EFCAB8: variants seen among roughly 807,000 people sequenced by gnomAD.
The protein encoded by EFCAB8 is EF-hand calcium binding domain 8.
Under a neutral mutation model 116.3 loss-of-function variants are expected in EFCAB8, and 100 were observed. The ratio of observed to expected loss-of-function variants is 0.86; its 90% CI spans 0.73 to 1.02. The LOEUF (loss-of-function observed/expected upper bound fraction) is 1.02. Among genes scored for constraint, EFCAB8 ranks in the 50% least tolerant of loss-of-function variants. The pLI is 0.00. For synonymous variants in EFCAB8, 558 were observed against 567.9 expected (o/e 0.98, Z 0.25); for missense variants, 1,320 against 1,416.9 (o/e 0.93, Z 1.10).
Position 32,960,046 on chromosome 20 carries a change from G to A in EFCAB8, c.3295-17G>A. On this transcript the variant is annotated splice_polypyrimidine_tract_variant and intron_variant, in intron 25 of 26. Coordinates refer to ENST00000400522, the MANE Select transcript of EFCAB8 (RefSeq NM_001143967.2). ...CCCCCAACTCGCAGCCTTCATTCTT[G>A]GGCGTGGCTCCTGCAGGTGAGCAAA... 1 of 1,551,658 alleles carries A rather than the reference G, an allele frequency of 6.4e-7. No individual in the cohort carries two copies. Among genetic ancestry groups the A allele is most frequent in the Non-Finnish European group, 8.7e-7 (1 of 1,146,978 alleles).
Position 32,898,221 on chromosome 20 carries a change from C to T in EFCAB8, c.958-272C>T, listed in dbSNP as rs138719958. Among the ~76,000 whole-genome samples, 745 of 152,298 alleles carry T rather than the reference C, an allele frequency of 4.9e-3. 4 individuals carry two copies. Among genetic ancestry groups the T allele is most frequent in the African/African-American group, 0.016 (682 of 41,542 alleles). ...CCTCGTGGGAGATGATTAGTATGGG[C>T]CTGACCTTCCCCATCCTCTAACTCA... On this transcript the variant is annotated intron_variant, in intron 10 of 26. Coordinates refer to ENST00000400522, the MANE Select transcript of EFCAB8 (RefSeq NM_001143967.2).
intron 2 of EFCAB8, among the ~76,000 whole-genome samples, chr20:32,864,594 C>G (rs1475983017): frequency 1.3e-5 from 2 of 151,900 alleles, no homozygotes; most frequent in Non-Finnish European, 2.9e-5. Flanking sequence ...AAAAACAAAA[C>G]AAAAAAGCTA....
At chr20:32,875,073 T>G (rs903027006) in intron 3 of EFCAB8, among the ~76,000 whole-genome samples, 5 of 150,622 alleles carry the variant, frequency 3.3e-5, no homozygotes, top group Non-Finnish European at 6.0e-5. Flanking sequence ...TTTGGAGAGT[T>G]TTCTTTGTCT....
chr20:32,890,244 C>T (rs1406473149), intron 7 of EFCAB8, among the ~76,000 whole-genome samples: 1 of 143,842 alleles, frequency 7.0e-6, no homozygotes, highest in Admixed American at 6.8e-5. Context: ...CTGGTAGGTG[C>T]TGTGGCCTGG....
intron 3 of EFCAB8, among the ~76,000 whole-genome samples, chr20:32,870,986 G>C (rs896172808): frequency 6.6e-6 from 1 of 151,776 alleles, no homozygotes; most frequent in Non-Finnish European, 1.5e-5. Context: ...AGCCTCCCGA[G>C]TAGCTGGGAC....
chr20:32,955,104 G>T (rs1237789371), intron 23 of EFCAB8, among the ~76,000 whole-genome samples: 1 of 152,118 alleles, frequency 6.6e-6, no homozygotes, highest in African/African-American at 2.4e-5. Context: ...CATTTTTCTG[G>T]TAAGTGGAGA....
At chr20:32,959,476 C>A (rs1989073463) in intron 24 of EFCAB8, among the ~76,000 whole-genome samples, 1 of 152,146 alleles carries the variant, frequency 6.6e-6, no homozygotes, top group African/African-American at 2.4e-5. Flanking sequence ...GGGCAGGGGG[C>A]AGACATGTTT....
At chr20:32,860,609 C>T (rs1395173532) in intron 1 of EFCAB8, among the ~76,000 whole-genome samples, 1 of 148,060 alleles carries the variant, frequency 6.8e-6, no homozygotes, top group African/African-American at 2.5e-5. Flanking sequence ...TGGGTTCAAG[C>T]GATTCTCGTG....
At chr20:32,927,084 T>C (rs1486072653) in intron 20 of EFCAB8, among the ~76,000 whole-genome samples, 4 of 152,120 alleles carry the variant, frequency 2.6e-5, no homozygotes, top group African/African-American at 9.7e-5. Flanking sequence ...GCCTAAAACT[T>C]TTGCAAGAAA....
At chr20:32,950,308 T>C (rs975909445) in intron 23 of EFCAB8, among the ~76,000 whole-genome samples, 1 of 152,168 alleles carries the variant, frequency 6.6e-6, no homozygotes, top group Non-Finnish European at 1.5e-5. Flanking sequence ...ATTTAGAATA[T>C]ATAAACTCTC....
chr20:32,906,550 T>G lies in EFCAB8; in HGVS notation c.1089-12T>G. On this transcript the variant is annotated splice_polypyrimidine_tract_variant and intron_variant, in intron 11 of 26. Coordinates refer to ENST00000400522, the MANE Select transcript of EFCAB8 (RefSeq NM_001143967.2). ...TCCCGGCCCTGCAGCCCTCACTCCT[T>G]TGATATTGTAGGTTGTCAGTGCTGC... 1 of 718,422 alleles carries G rather than the reference T, an allele frequency of 1.4e-6. No homozygotes were observed. Among genetic ancestry groups the G allele is most frequent in the Non-Finnish European group, 2.6e-6 (1 of 385,044 alleles). 44.5% of individuals were successfully genotyped at this position (718,422 alleles called of 1,614,324 possible). A position where few individuals can be genotyped will look rare whatever the true frequency, so the allele number is the denominator to read the frequency against.
chr20:32,961,193 C>G lies in EFCAB8; in HGVS notation c.3451C>G (p.Pro1151Ala). 6.4e-7 allele frequency: 1 copy of G among 1,552,256 alleles called. No individual in the cohort carries two copies. The highest frequency in any genetic ancestry group is 8.7e-7 in the Non-Finnish European group (1 of 1,147,110). The change falls in exon 27 of 27, where the codon CCT (proline) becomes GCT (alanine). Residue 1151 changes from proline to alanine, a missense_variant. Transcript: ENST00000400522. Reference sequence around the variant, plus strand: ...CAGTGATCTGATGCCGACTCAGCAGCCTGACTTCCTGACCAGCAGGGGCCC... The same window carrying G: ...CAGTGATCTGATGCCGACTCAGCAGGCTGACTTCCTGACCAGCAGGGGCCC... ...HFSDLMPTQQPDFLTSRGPDQ... is the reference protein window; with the variant it reads ...HFSDLMPTQQADFLTSRGPDQ...
At chr20:32,943,912 G>C (rs1167837935) in intron 23 of EFCAB8, 108 bp downstream of exon 23, 8 of 408,626 alleles carry the variant, frequency 2.0e-5, no homozygotes, top group African/African-American at 1.6e-4. Flanking sequence ...GGACTCTCAG[G>C]CCACAGCAAC....
intron 11 of EFCAB8, among the ~76,000 whole-genome samples, chr20:32,905,097 C>T (rs1270129201): frequency 6.6e-6 from 1 of 152,206 alleles, no homozygotes; most frequent in Admixed American, 6.5e-5. Context: ...TGAGCCTCAC[C>T]CGGCCCTAAT....
intron 16 of EFCAB8, among the ~76,000 whole-genome samples, chr20:32,912,395 G>A (rs966882376): frequency 2.0e-5 from 3 of 146,832 alleles, no homozygotes; most frequent in Admixed American, 6.9e-5. Flanking sequence ...TCCCGCCATC[G>A]CACTCCAGCC....
At chr20:32,900,051 A>T (rs1986356737) in intron 11 of EFCAB8, among the ~76,000 whole-genome samples, 4 of 152,110 alleles carry the variant, frequency 2.6e-5, no homozygotes, top group Admixed American at 2.6e-4. Flanking sequence ...GCACAGGCTG[A>T]AGATTGAGCC....
chr20:32,920,526 G>A (rs912801669), intron 20 of EFCAB8, among the ~76,000 whole-genome samples: 13 of 152,314 alleles, frequency 8.5e-5, no homozygotes, highest in Admixed American at 2.6e-4. Context: ...ATGGCGGGAG[G>A]CTAAAGGTGC....
intron 20 of EFCAB8, among the ~76,000 whole-genome samples, chr20:32,924,238 T>C (rs1267804717): frequency 6.6e-6 from 1 of 152,066 alleles, no homozygotes; most frequent in Non-Finnish European, 1.5e-5. Context: ...TAAAAAAATA[T>C]ATATTTATAG....
Position 32,876,182 on chromosome 20 carries a change from G to T in EFCAB8, c.327+138G>T, listed in dbSNP as rs548264558. ...CTGTGGATTCTGGCCCCAGTCGGGG[G>T]ACTTGCCTGGTGGAGACGTCCCTCC... On this transcript the variant is annotated intron_variant, in intron 4 of 26. Coordinates refer to ENST00000400522, the MANE Select transcript of EFCAB8 (RefSeq NM_001143967.2). 4.1e-3 allele frequency: 2,976 copies of T among 733,202 alleles called. 11 individuals carry two copies. Among genetic ancestry groups the T allele is most frequent in the Non-Finnish European group, 5.8e-3 (2,554 of 436,758 alleles). 45.4% of individuals were successfully genotyped at this position (733,202 alleles called of 1,614,324 possible). A position where few individuals can be genotyped will look rare whatever the true frequency, so the allele number is the denominator to read the frequency against.
Sources: gnomAD v4.1 joint callset for allele counts (sites outside exome capture counted in the v4.1 genomes callset) on GRCh38, gnomAD v4.1.1 for gene constraint, MANE v1.5 for transcripts, NCBI Gene and HGNC (gene_info 2026-07-23, HGNC 2026-07-21) for gene names.